The following GALNT17 variants were observed in gnomAD, a reference collection of about 807,000 sequenced individuals.
GALNT17 encodes the protein UDP-GalNAc:polypeptide N-acetylgalactosaminyltransferase-like 3.
Under a neutral mutation model 63.7 loss-of-function variants are expected in GALNT17, and 29 were observed. The observed-to-expected ratio is 0.46, with a 90% CI of 0.34 to 0.62. GALNT17 has a LOEUF of 0.62. Among genes scored for constraint, GALNT17 ranks in the 20% least tolerant of loss-of-function variants. GALNT17 has a pLI of 0.01. For missense variants in GALNT17, 603 were observed against 799.6 expected (o/e 0.75, Z 2.97); for synonymous variants, 305 against 318.3 (o/e 0.96, Z 0.45).
At chr7:71,620,343 G>T (rs60298147) in intron 6 of GALNT17, among the ~76,000 whole-genome samples, 6,199 of 152,114 alleles carry the variant, frequency 0.041, 429 homozygotes, top group African/African-American at 0.14. Context: ...TGATTTTTTG[G>T]AATAGTTTCA....
rs369668179 is a variant in GALNT17 at position 71,693,309 on chromosome 7, C to CATATATATATATATATATATATATAT, written c.1500+16015_1500+16016insATATATATATATATATATATATATAT. Among the ~76,000 whole-genome samples, 6 of 124,198 alleles carry CATATATATATATATATATATATATAT rather than the reference C, an allele frequency of 4.8e-5. No individual in the cohort carries two copies. In the East Asian group the frequency reaches 2.4e-3, roughly 50 times the overall value. The allele number at this position is 124,198 out of a possible 152,430, so 81.5% of individuals were successfully genotyped here. ...ACACACACACACACACACACACACA[C>CATATATATATATATATATATATATAT]ATATATATATATGGAGACAAGACCA... On this transcript the variant is annotated intron_variant, in intron 9 of 10. Transcript: ENST00000333538.
intron 5 of GALNT17, among the ~76,000 whole-genome samples, chr7:71,445,046 G>A (rs1787135483): frequency 6.6e-6 from 1 of 152,046 alleles, no homozygotes; most frequent in South Asian, 2.1e-4. Context: ...GGGAGAGGGT[G>A]CATCAGCACA....
At chr7:71,691,858 CTTTCTTT>C (rs1791447857) in intron 9 of GALNT17, among the ~76,000 whole-genome samples, 1 of 128,344 alleles carries the variant, frequency 7.8e-6, no homozygotes, top group African/African-American at 2.9e-5. Context: ...TTAATCTTTT[CTTTCTTT>C]CTTTCCTTTC....
At chr7:71,467,434 G>C (rs1787554450) in intron 5 of GALNT17, among the ~76,000 whole-genome samples, 1 of 152,154 alleles carries the variant, frequency 6.6e-6, no homozygotes, top group South Asian at 2.1e-4. Context: ...ACCGAAACAT[G>C]ACTATTTAAA....
At chr7:71,463,100 G>T (rs1787478642) in intron 5 of GALNT17, among the ~76,000 whole-genome samples, 1 of 152,182 alleles carries the variant, frequency 6.6e-6, no homozygotes, top group Non-Finnish European at 1.5e-5. Context: ...GGAGATTGTT[G>T]ATTGGTGGAA....
chr7:71,435,426 C>G (rs976287801), intron 5 of GALNT17, among the ~76,000 whole-genome samples: 7 of 152,164 alleles, frequency 4.6e-5, no homozygotes, highest in African/African-American at 1.7e-4. Context: ...GTAGGACTAA[C>G]AAATTAGCCA....
intron 5 of GALNT17, among the ~76,000 whole-genome samples, chr7:71,442,549 A>G (rs1318295175): frequency 3.3e-5 from 5 of 152,136 alleles, no homozygotes; most frequent in African/African-American, 1.2e-4. Context: ...GTACTTTGCA[A>G]TATCTTTTTG....
At chr7:71,211,522 G>T (rs1404670874) in intron 1 of GALNT17, among the ~76,000 whole-genome samples, 2 of 152,148 alleles carry the variant, frequency 1.3e-5, no homozygotes, top group Non-Finnish European at 2.9e-5. Flanking sequence ...GGGTGTTGCT[G>T]AAAAGATACC....
chr7:71,696,458 G>T (rs966633474), intron 9 of GALNT17, among the ~76,000 whole-genome samples: 1 of 152,124 alleles, frequency 6.6e-6, no homozygotes, highest in African/African-American at 2.4e-5. Context: ...TACACTGACT[G>T]CTGGATTTTA....
chr7:71,389,001 T>G (rs1793002776), intron 3 of GALNT17, among the ~76,000 whole-genome samples: 7 of 152,126 alleles, frequency 4.6e-5, no homozygotes, highest in Admixed American at 4.6e-4. Context: ...GCTTCATTTA[T>G]TTTTACAGCT....
chr7:71,359,505 A>G (rs1792357389), intron 2 of GALNT17, among the ~76,000 whole-genome samples: 1 of 151,806 alleles, frequency 6.6e-6, no homozygotes, highest in Non-Finnish European at 1.5e-5. Flanking sequence ...CTTCCAGTAG[A>G]CCCCCGACTC....
At chr7:71,574,101 A>T (rs1789496393) in intron 6 of GALNT17, among the ~76,000 whole-genome samples, 1 of 152,200 alleles carries the variant, frequency 6.6e-6, no homozygotes, top group Non-Finnish European at 1.5e-5. Context: ...TGCTATTGTG[A>T]ATAGTGCTGC....
At chr7:71,488,574 C>CT (rs965444360) in intron 5 of GALNT17, among the ~76,000 whole-genome samples, 20,427 of 100,738 alleles carry the variant, frequency 0.2, 2,094 homozygotes, top group Non-Finnish European at 0.22. Context: ...ACTTGCCCTT[C>CT]TTTTTTTTTT....
chr7:71,304,902 CCTGA>C (rs1234026849), intron 1 of GALNT17, among the ~76,000 whole-genome samples: 1 of 152,098 alleles, frequency 6.6e-6, no homozygotes, highest in Admixed American at 6.5e-5. Flanking sequence ...CGCCACCATG[CCTGA>C]CTAATTTTTT....
intron 1 of GALNT17, among the ~76,000 whole-genome samples, chr7:71,254,180 TAA>T (rs986481128): frequency 6.6e-6 from 1 of 152,166 alleles, no homozygotes; most frequent in Non-Finnish European, 1.5e-5. Flanking sequence ...TTGAAAGAGT[TAA>T]GTTATTATCT....
At chr7:71,220,247 C>T (rs1008728984) in intron 1 of GALNT17, among the ~76,000 whole-genome samples, 4 of 152,124 alleles carry the variant, frequency 2.6e-5, no homozygotes, top group East Asian at 1.9e-4. Flanking sequence ...CTGGATGGAG[C>T]GGGTGAGCTC....
chr7:71,294,223 T>C (rs1791036465), intron 1 of GALNT17, among the ~76,000 whole-genome samples: 1 of 152,076 alleles, frequency 6.6e-6, no homozygotes, highest in Non-Finnish European at 1.5e-5. Context: ...CTCAGTATAG[T>C]CCACTTTATA....
chr7:71,259,642 T>TTG (rs1562953658), intron 1 of GALNT17, among the ~76,000 whole-genome samples: 5 of 146,936 alleles, frequency 3.4e-5, no homozygotes, highest in African/African-American at 1.3e-4. Flanking sequence ...TTTTTTGTTT[T>TTG]TTTGTTTTTT....
intron 1 of GALNT17, among the ~76,000 whole-genome samples, chr7:71,167,446 T>C (rs1229431377): frequency 6.6e-6 from 1 of 152,160 alleles, no homozygotes. Flanking sequence ...CTAGTTTTTC[T>C]TTTTTTGTTA....
Sources: gnomAD v4.1 joint callset for allele counts (sites outside exome capture counted in the v4.1 genomes callset) on GRCh38, gnomAD v4.1.1 for gene constraint, MANE v1.5 for transcripts, NCBI Gene and HGNC (gene_info 2026-07-23, HGNC 2026-07-21) for gene names.